Variants in ANO4 observed in about 807,000 individuals in gnomAD.
ANO4 encodes the protein anoctamin 4.
ANO4 carries 69 observed loss-of-function variants against 141.9 expected under a neutral mutation model. The ratio of observed to expected loss-of-function variants is 0.49; its 90% confidence interval spans 0.40 to 0.59. The LOEUF is 0.59. Ranked by LOEUF, ANO4 falls within the 20% of genes least tolerant of loss-of-function variation. The pLI is 0.00. For synonymous variants in ANO4, 350 were observed against 394.3 expected, an observed-to-expected ratio of 0.89 and a Z score of 1.33; for missense variants, 894 against 1,162.2, an observed-to-expected ratio of 0.77 and a Z score of 3.36.
chr12:101,014,671 C>T (rs562463766), intron 8 of ANO4, among the ~76,000 whole-genome samples: 5 of 152,230 alleles, frequency 3.3e-5, no homozygotes, highest in African/African-American at 1.2e-4. Flanking sequence ...ATTAGCCCGT[C>T]AAAGTAGCAG....
In ANO4 at chr12:101,127,923, C is replaced by T. The variant is rs1344971325; in HGVS notation, c.*67C>T. On this transcript the variant is annotated 3_prime_UTR_variant, in exon 28 of 28. Coordinates refer to ENST00000392977, the MANE Select transcript of ANO4 (RefSeq NM_001286615.2). ...TTTACTTCTTCTGGCTGTGCAAAAG[C>T]ACACTCAAGTGAATGACTAAAAATG... The T allele has an allele frequency of 1.3e-5, 2 of 152,108 alleles. No individual in the cohort carries two copies. The highest frequency in any genetic ancestry group is 2.9e-5 in the Non-Finnish European group (2 of 68,048). The allele number at this position is 152,108 out of a possible 1,614,324, so 9.4% of individuals were successfully genotyped here.
chr12:100,840,217 T>C (rs1479275763), intron 1 of ANO4, among the ~76,000 whole-genome samples: 1 of 152,154 alleles, frequency 6.6e-6, no homozygotes, highest in Non-Finnish European at 1.5e-5. Context: ...ATGACTTCAG[T>C]GCAATTAACA....
intron 22 of ANO4, among the ~76,000 whole-genome samples, chr12:101,109,225 TTA>T (rs556166854): frequency 3.9e-5 from 6 of 152,192 alleles, no homozygotes; most frequent in Non-Finnish European, 8.8e-5. Context: ...TGTAACATCA[TTA>T]TGTCTTGTTA....
At chr12:101,111,283 C>T (rs973203824) in intron 23 of ANO4, among the ~76,000 whole-genome samples, 1 of 152,154 alleles carries the variant, frequency 6.6e-6, no homozygotes, top group African/African-American at 2.4e-5. Flanking sequence ...ATTATGTGTG[C>T]TGATCCTATC....
intron 8 of ANO4, among the ~76,000 whole-genome samples, chr12:100,990,191 A>G (rs1459494759): frequency 6.6e-6 from 1 of 152,182 alleles, no homozygotes; most frequent in Non-Finnish European, 1.5e-5. Flanking sequence ...GAATGAATAT[A>G]TGGATAGATG....
At chr12:100,914,881 C>T (rs2041265266) in intron 2 of ANO4, among the ~76,000 whole-genome samples, 1 of 152,184 alleles carries the variant, frequency 6.6e-6, no homozygotes, top group Non-Finnish European at 1.5e-5. Flanking sequence ...GTGGCATGAT[C>T]ATAGCTCACT....
intron 3 of ANO4, among the ~76,000 whole-genome samples, chr12:100,768,996 A>G (rs2033193479): frequency 6.6e-6 from 1 of 152,188 alleles, no homozygotes. Context: ...CATGTGAAAA[A>G]CCATCTGTTC....
chr12:100,912,417 G>GAAAAGA (rs375916503), intron 2 of ANO4, among the ~76,000 whole-genome samples: 1 of 121,012 alleles, frequency 8.3e-6, no homozygotes, highest in Non-Finnish European at 1.7e-5. Context: ...AAAGAAAAAA[G>GAAAAGA]AAAAAAAAAA....
At chr12:101,057,072 T>A (rs2048153435) in intron 14 of ANO4, among the ~76,000 whole-genome samples, 1 of 151,578 alleles carries the variant, frequency 6.6e-6, no homozygotes, top group South Asian at 2.1e-4. Flanking sequence ...TTCTCATTGT[T>A]CAACTCCCAC....
chr12:101,112,174 A>C (rs1283297893), intron 24 of ANO4, among the ~76,000 whole-genome samples: 1 of 152,206 alleles, frequency 6.6e-6, no homozygotes, highest in African/African-American at 2.4e-5. Flanking sequence ...ATACGGAACT[A>C]GGTACTGAGT....
At chr12:100,819,632 T>C (rs1282680906) in intron 1 of ANO4, among the ~76,000 whole-genome samples, 1 of 152,034 alleles carries the variant, frequency 6.6e-6, no homozygotes, top group African/African-American at 2.4e-5. Context: ...GATGATAGGT[T>C]CGCTGCTCTA....
At chr12:100,860,154 G>A (rs1048497798) in intron 1 of ANO4, among the ~76,000 whole-genome samples, 37 of 152,150 alleles carry the variant, frequency 2.4e-4, no homozygotes, top group African/African-American at 8.2e-4. Flanking sequence ...AACTTTGGCA[G>A]GAGGGATGAT....
rs763524045 is a variant in ANO4, at chr12:101,042,403, A to T, written c.1089A>T (p.Pro363=). ...WLGWYTGMLF[P]AAFIGLFVFL... ...GCTGGTACACCGGCATGCTCTTCCC[A>T]GCTGCCTTCATTGGATTGTTTGTCT... is the stretch of plus-strand genomic sequence containing the variant. The change falls in exon 12 of 28, where the codon CCA becomes CCT. Residue 363 remains proline (P), a synonymous_variant. Transcript: ENST00000392977. 1 of 1,614,142 alleles carries T rather than the reference A, an allele frequency of 6.2e-7. No homozygotes were observed. The highest frequency in any genetic ancestry group is 8.5e-7 in the Non-Finnish European group (1 of 1,180,000).
chr12:100,822,653 A>T (rs79096141), intron 1 of ANO4, among the ~76,000 whole-genome samples: 5,800 of 152,088 alleles, frequency 0.038, 360 homozygotes, highest in African/African-American at 0.13. Context: ...TACCTTAACC[A>T]CTGGGAGGAG....
chr12:101,000,781 C>T (rs1368123813), intron 8 of ANO4, among the ~76,000 whole-genome samples: 1 of 152,166 alleles, frequency 6.6e-6, no homozygotes, highest in Non-Finnish European at 1.5e-5. Flanking sequence ...ACAAAGAGGT[C>T]ACCTAATCAG....
chr12:100,915,499 C>A (rs1268685677), intron 2 of ANO4, among the ~76,000 whole-genome samples: 1 of 152,130 alleles, frequency 6.6e-6, no homozygotes, highest in Non-Finnish European at 1.5e-5. Context: ...CACTCCCCAT[C>A]TTTTCTGTGA....
intron 8 of ANO4, among the ~76,000 whole-genome samples, chr12:100,990,060 A>C (rs147791840): frequency 6.6e-6 from 1 of 152,054 alleles, no homozygotes; most frequent in Non-Finnish European, 1.5e-5. Flanking sequence ...TGGGTATAGG[A>C]GTGGTTGTGT....
chr12:100,751,651 A>G (rs983677281), intron 3 of ANO4, among the ~76,000 whole-genome samples: 1 of 152,016 alleles, frequency 6.6e-6, no homozygotes, highest in African/African-American at 2.4e-5. Context: ...TTGAGTGCCT[A>G]CTTTGTGCCC....
intron 2 of ANO4, among the ~76,000 whole-genome samples, chr12:100,921,953 TC>T (rs1255051124): frequency 1.3e-5 from 2 of 152,172 alleles, no homozygotes; most frequent in Non-Finnish European, 2.9e-5. Flanking sequence ...TAGGGAATTA[TC>T]AGTAAATACT....
Sources: allele counts gnomAD v4.1 joint callset (sites outside exome capture counted in the v4.1 genomes callset), GRCh38; gene constraint gnomAD v4.1.1; transcripts MANE v1.5; gene names NCBI Gene and HGNC (gene_info 2026-07-23, HGNC 2026-07-21).